The following PCNX1 variants were observed in gnomAD, a reference collection of about 807,000 sequenced individuals.
The protein encoded by PCNX1 is pecanex 1.
A neutral mutation model predicts 242.2 loss-of-function variants in PCNX1; 78 were observed. The observed-to-expected ratio is 0.32, with a 90% CI of 0.27 to 0.39. PCNX1 has a LOEUF of 0.39. PCNX1 is among the 10% of genes least tolerant of loss of function. PCNX1 has a pLI of 1.00. For missense variants in PCNX1, 2,581 were observed against 2,856.5 expected (o/e 0.90, Z 2.20); for synonymous variants, 1,024 against 1,032.9 (o/e 0.99, Z 0.17).
intron 5 of PCNX1, among the ~76,000 whole-genome samples, chr14:70,975,096 T>A (rs1034399508): frequency 1.3e-5 from 2 of 152,182 alleles, no homozygotes; most frequent in Non-Finnish European, 2.9e-5. Context: ...AAAAAAACCT[T>A]TTGTTATCTT....
At chr14:71,103,251 A>T in intron 31 of PCNX1, 144 bp from the exon 32 acceptor site, 2 of 875,910 alleles carry the variant, frequency 2.3e-6, no homozygotes, top group Non-Finnish European at 3.6e-6. Context: ...CCTCCTATTT[A>T]AATGTGACCT....
In PCNX1 at chr14:71,089,352, T is replaced by A. The variant is rs779638042; in HGVS notation, c.5589+10T>A. On this transcript the variant is annotated intron_variant, in intron 30 of 35. Transcript: ENST00000304743. ...CATTAAACTTCATCAGGTAAGAAGA[T>A]GAGATTTTTCTAATTCATTACTGGT... is the stretch of plus-strand genomic sequence containing the variant. 1.3e-6 allele frequency: 2 copies of A among 1,597,686 alleles called. No individual in the cohort carries two copies. Among genetic ancestry groups the A allele is most frequent in the Non-Finnish European group, 1.7e-6 (2 of 1,168,274 alleles).
intron 8 of PCNX1, among the ~76,000 whole-genome samples, chr14:71,001,162 A>AACTG (rs2140403058): frequency 6.6e-6 from 1 of 152,162 alleles, no homozygotes; most frequent in South Asian, 2.1e-4. Flanking sequence ...TTAATCAATT[A>AACTG]ACCCCATTGT....
chr14:71,108,822 CAA>C lies in PCNX1; in HGVS notation c.6522_6523del (p.Gln2174HisfsTer49). On this transcript the variant is annotated frameshift_variant, in exon 34 of 36. Transcript: ENST00000304743. LOFTEE classifies it high-confidence loss of function. ...SIQSRLSMVN[Q>X]MEPSGQSGLA... ...CCAATCCCGACTGTCGATGGTGAAC[CAA>C]ATGGAACCCTCAGGTCAGAGCGGCC... The C allele has an allele frequency of 6.2e-7, 1 of 1,614,240 alleles. No homozygotes were observed. The highest frequency in any genetic ancestry group is 8.5e-7 in the Non-Finnish European group (1 of 1,180,032).
At chr14:70,990,925 G>A (rs565670675) in intron 7 of PCNX1, among the ~76,000 whole-genome samples, 1 of 151,964 alleles carries the variant, frequency 6.6e-6, no homozygotes, top group South Asian at 2.1e-4. Context: ...CTTGCCAAAG[G>A]CAACTTTTTT....
intron 5 of PCNX1, among the ~76,000 whole-genome samples, chr14:70,971,512 G>A (rs535550554): frequency 2.0e-5 from 3 of 152,132 alleles, no homozygotes; most frequent in East Asian, 3.9e-4. Context: ...AAATATTGTC[G>A]AGTACTCTTG....
chr14:71,053,186 A>G (rs1468122234), intron 24 of PCNX1: 1 of 436,956 alleles, frequency 2.3e-6, no homozygotes, highest in Non-Finnish European at 4.5e-6. Flanking sequence ...ATTCCTCTGG[A>G]CCAATTAGCC....
In PCNX1 at chr14:71,026,883, G is replaced by T; in HGVS notation, c.3466+1G>T. ...GATATTCATATTTTTGGTGGTAATG[G>T]TGAGTACTTCTTTATAAAAATTATA... On this transcript the variant is annotated splice_donor_variant, in intron 15 of 35. Coordinates refer to ENST00000304743, the MANE Select transcript of PCNX1 (RefSeq NM_014982.3). LOFTEE classifies it high-confidence loss of function. The T allele has an allele frequency of 8.1e-7, 1 of 1,230,902 alleles. No homozygotes were observed. The allele number at this position is 1,230,902 out of a possible 1,614,324, so 76.2% of individuals were successfully genotyped here.
In PCNX1 at chr14:71,005,840, G is replaced by A. The variant is rs114056246; in HGVS notation, c.2630-3794G>A. 2.1e-3 allele frequency among the ~76,000 whole-genome samples: 313 copies of A among 151,668 alleles called. 1 individual carries two copies. The highest frequency in any genetic ancestry group is 7.2e-3 in the African/African-American group (296 of 41,362). On this transcript the variant is annotated intron_variant, in intron 8 of 35. Coordinates refer to ENST00000304743, the MANE Select transcript of PCNX1 (RefSeq NM_014982.3). ...AATATTACTTCAAAAGAATGGTTGT[G>A]TGTAATTAACAAATTTTATGAACAA...
intron 8 of PCNX1, among the ~76,000 whole-genome samples, chr14:71,007,113 T>C (rs1190600387): frequency 6.6e-6 from 1 of 152,166 alleles, no homozygotes; most frequent in Non-Finnish European, 1.5e-5. Flanking sequence ...TTGTTAGTAA[T>C]TTGGATAGAA....
At chr14:71,087,159 C>T (rs2062015592) in intron 28 of PCNX1, among the ~76,000 whole-genome samples, 1 of 152,186 alleles carries the variant, frequency 6.6e-6, no homozygotes. Flanking sequence ...TCTACACCCA[C>T]TCTCTTTTAT....
chr14:71,094,749 A>G (rs80067173), intron 30 of PCNX1, among the ~76,000 whole-genome samples: 1,763 of 152,280 alleles, frequency 0.012, 13 homozygotes, highest in Middle Eastern at 0.024. Flanking sequence ...TCAACATAGT[A>G]GGACTGCATC....
intron 6 of PCNX1, among the ~76,000 whole-genome samples, chr14:70,980,517 C>G (rs1057287376): frequency 1.3e-5 from 2 of 151,884 alleles, no homozygotes. Context: ...TTAATTTGAG[C>G]TTCATTGGGT....
At chr14:71,051,773 C>T in intron 23 of PCNX1, 110 bp from the exon 24 acceptor site, 1 of 1,000,732 alleles carries the variant, frequency 1.0e-6, no homozygotes, top group Non-Finnish European at 1.5e-6. Context: ...TCTGGTGAAC[C>T]TCAGTTCTCT....
chr14:71,058,612 A>G (rs1432519641), intron 26 of PCNX1, among the ~76,000 whole-genome samples: 1 of 152,212 alleles, frequency 6.6e-6, no homozygotes, highest in African/African-American at 2.4e-5. Context: ...AAGAGAAGGA[A>G]GTCAGATCTA....
chr14:71,046,153 A>G (rs1003029833), intron 20 of PCNX1, among the ~76,000 whole-genome samples: 14 of 152,126 alleles, frequency 9.2e-5, no homozygotes, highest in African/African-American at 3.4e-4. Flanking sequence ...AATAAAAATG[A>G]CATGAAGCTG....
chr14:70,924,400 A>G (rs1419319009), intron 1 of PCNX1, among the ~76,000 whole-genome samples: 1 of 152,098 alleles, frequency 6.6e-6, no homozygotes, highest in East Asian at 1.9e-4. Context: ...AACATCTTAG[A>G]TTACTGTGGT....
rs142730468 is a variant in PCNX1, at chr14:71,054,577, A to G, written c.4578-927A>G. The stretch of plus-strand genomic sequence containing the variant: ...GGCTCACTTTCTTTATTTTTGGGAA[A>G]TATCTGTTAAATGACCACATCTAAA... On this transcript the variant is annotated intron_variant, in intron 24 of 35. Transcript: ENST00000304743. Among the ~76,000 whole-genome samples the G allele has an allele frequency of 2.0e-5, 3 of 152,268 alleles. No homozygotes were observed. The East Asian group carries it at 5.8e-4, about 29-fold the overall frequency.
At chr14:70,927,752 G>A (rs2056646621) in intron 1 of PCNX1, among the ~76,000 whole-genome samples, 1 of 151,722 alleles carries the variant, frequency 6.6e-6, no homozygotes, top group South Asian at 2.1e-4. Context: ...ACCAAGTCTC[G>A]CTAATTTTTA....
Sources: gnomAD v4.1 joint callset for allele counts (sites outside exome capture counted in the v4.1 genomes callset) on GRCh38, gnomAD v4.1.1 for gene constraint, MANE v1.5 for transcripts, NCBI Gene and HGNC (gene_info 2026-07-23, HGNC 2026-07-21) for gene names.